Variants in CNN2 observed in about 807,000 individuals in gnomAD.
CNN2 encodes calponin 2, also known as calponin-2.
In CNN2, 21 loss-of-function variants were observed where a neutral mutation model predicts 31.0. The observed-to-expected ratio is 0.68, with a 90% confidence interval of 0.48 to 0.98. The LOEUF (loss-of-function observed/expected upper bound fraction) is 0.98. Ranked by LOEUF, CNN2 falls within the 50% of genes least tolerant of loss-of-function variation. The probability of loss-of-function intolerance (pLI) is 0.00; values close to 1 mark genes in which losing one functional copy is unlikely to be tolerated. For synonymous variants in CNN2, 165 were observed against 179.6 expected, an observed-to-expected ratio of 0.92 and a Z score of 0.65; for missense variants, 399 against 427.3, an observed-to-expected ratio of 0.93 and a Z score of 0.58.
intron 4 of CNN2, 52 bp from the exon 5 acceptor site, chr19:1,036,078 A>G (rs760750947): frequency 6.5e-7 from 1 of 1,532,894 alleles, no homozygotes; most frequent in Non-Finnish European, 8.8e-7. Context: ...GCCTAGATCT[A>G]GGGTCCCTGG....
rs2039655715 is a variant in CNN2 at position 1,038,496 on chromosome 19, G to A, written c.*596G>A. On this transcript the variant is annotated 3_prime_UTR_variant, in exon 7 of 7. Coordinates refer to ENST00000263097, the MANE Select transcript of CNN2 (RefSeq NM_004368.4). ...TGCCCCGGGGCCAGGTGGAGAAAGT[G>A]AGGGCCGTACAAGGAAGTGAAATTC... 6.6e-6 allele frequency: 1 copy of A among 152,382 alleles called. No homozygotes were observed. The highest frequency in any genetic ancestry group is 2.4e-5 in the African/African-American group (1 of 41,436). 9.4% of individuals were successfully genotyped at this position (152,382 alleles called of 1,614,324 possible). A position where few individuals can be genotyped will look rare whatever the true frequency, so the allele number is the denominator to read the frequency against.
intron 1 of CNN2, among the ~76,000 whole-genome samples, chr19:1,030,305 G>A (rs73920548): frequency 6.6e-6 from 1 of 152,024 alleles, no homozygotes; most frequent in African/African-American, 2.4e-5. Flanking sequence ...GGTCAGCCTC[G>A]GGGGCAGCTC....
At chr19:1,037,328 G>A (rs2039606983) in intron 6 of CNN2, 1 of 340,780 alleles carries the variant, frequency 2.9e-6, no homozygotes, top group Non-Finnish European at 5.5e-6. Context: ...AGTAGATATG[G>A]GGTTTCACCG....
intron 4 of CNN2, among the ~76,000 whole-genome samples, chr19:1,035,647 G>C (rs1351248540): frequency 6.6e-6 from 1 of 152,224 alleles, no homozygotes; most frequent in Admixed American, 6.5e-5. Context: ...CATGGGCTGG[G>C]CGCGGTGGCT....
In CNN2 at chr19:1,036,715, C is replaced by G. The variant is rs775479001; in HGVS notation, c.654+153C>G. ...TCCGGCTTCCCTCCCCGCTCTCTGT[C>G]TCCGCCTTGGATTTCAGCCTCTGTC... On this transcript the variant is annotated intron_variant, in intron 6 of 6. Coordinates refer to ENST00000263097, the MANE Select transcript of CNN2 (RefSeq NM_004368.4). The G allele has an allele frequency of 6.6e-6, 6 of 905,810 alleles. No individual in the cohort carries two copies. The African/African-American group carries it at 9.8e-5, about 15-fold the overall frequency. The allele number at this position is 905,810 out of a possible 1,614,324, so 56.1% of individuals were successfully genotyped here.
chr19:1,035,621 T>C (rs1228624631), intron 4 of CNN2, among the ~76,000 whole-genome samples: 1 of 152,174 alleles, frequency 6.6e-6, no homozygotes, highest in Admixed American at 6.5e-5. Flanking sequence ...CAAGGCACGC[T>C]GGGATGAAGC....
chr19:1,027,997 G>C (rs1338361774), intron 1 of CNN2, among the ~76,000 whole-genome samples: 1 of 152,208 alleles, frequency 6.6e-6, no homozygotes, highest in Non-Finnish European at 1.5e-5. Context: ...TCCCCAGCCC[G>C]GGGCTCACGA....
rs1399281424 is a variant in CNN2 at position 1,038,135 on chromosome 19, G to A, written c.*235G>A. 1.9e-5 allele frequency: 9 copies of A among 465,922 alleles called. No homozygotes were observed. In the South Asian group the frequency reaches 3.3e-4, roughly 17 times the overall value. The allele number at this position is 465,922 out of a possible 1,614,324, so 28.9% of individuals were successfully genotyped here. A position where few individuals can be genotyped will look rare whatever the true frequency, so the allele number is the denominator to read the frequency against. ...GGGTCAAGGCCATATCCCAATACGT[G>A]TAGGGCGAGGGTCCCTGCTGGCACA... On this transcript the variant is annotated 3_prime_UTR_variant, in exon 7 of 7. Coordinates refer to ENST00000263097, the MANE Select transcript of CNN2 (RefSeq NM_004368.4).
intron 2 of CNN2, among the ~76,000 whole-genome samples, chr19:1,031,546 C>T (rs1430640586): frequency 2.9e-5 from 3 of 105,198 alleles, no homozygotes; most frequent in Non-Finnish European, 5.4e-5. Flanking sequence ...GCCGGGGTGA[C>T]ACAGCGAGAC....
chr19:1,027,002 C>G (rs1193703037), intron 1 of CNN2: 3 of 392,846 alleles, frequency 7.6e-6, no homozygotes, highest in African/African-American at 6.5e-5. Flanking sequence ...ACTTCGTCCC[C>G]TCGCCATGGC....
At chr19:1,035,656 C>T (rs1415521238) in intron 4 of CNN2, among the ~76,000 whole-genome samples, 2 of 152,214 alleles carry the variant, frequency 1.3e-5, no homozygotes, top group Admixed American at 6.5e-5. Context: ...GGCGCGGTGG[C>T]TCACGCCTGT....
At chr19:1,026,815 C>T (rs1179612995) in intron 1 of CNN2, 91 bp downstream of exon 1, 2 of 1,288,984 alleles carry the variant, frequency 1.6e-6, no homozygotes, top group African/African-American at 1.5e-5. Flanking sequence ...CGGCACCTCC[C>T]GGGCAGGGAG....
intron 2 of CNN2, 142 bp from the exon 3 acceptor site, chr19:1,032,250 A>C: frequency 2.1e-6 from 2 of 955,808 alleles, no homozygotes; most frequent in South Asian, 1.6e-5. Context: ...AAAAAAAAAA[A>C]AGAGTGGAAA....
intron 5 of CNN2, 55 bp downstream of exon 5, chr19:1,036,301 TGGG>T: frequency 6.4e-7 from 1 of 1,568,292 alleles, no homozygotes; most frequent in Non-Finnish European, 8.7e-7. Context: ...ACCACGGTGT[TGGG>T]GGACAGCAGC....
intron 2 of CNN2, among the ~76,000 whole-genome samples, 181 bp downstream of exon 2, chr19:1,031,373 G>A (rs931847311): frequency 3.3e-5 from 5 of 150,538 alleles, no homozygotes. Flanking sequence ...TCAGGAGTTC[G>A]AGACCAGCCT....
In CNN2 at chr19:1,037,937, A is replaced by G. The variant is rs1376206963; in HGVS notation, c.*37A>G. ...CGCTCTCTCCCCACATCGTCTGCCC[A>G]TCTGGGTTTTTGGGTTTTTCTGTGT... On this transcript the variant is annotated 3_prime_UTR_variant, in exon 7 of 7. Transcript: ENST00000263097. 1 of 1,414,050 alleles carries G rather than the reference A, an allele frequency of 7.1e-7. No individual in the cohort carries two copies. The highest frequency in any genetic ancestry group is 9.2e-7 in the Non-Finnish European group (1 of 1,085,956). 87.6% of individuals were successfully genotyped at this position (1,414,050 alleles called of 1,614,324 possible). A position where few individuals can be genotyped will look rare whatever the true frequency, so the allele number is the denominator to read the frequency against.
chr19:1,031,990 G>T (rs1246506917), intron 2 of CNN2, among the ~76,000 whole-genome samples: 3 of 152,056 alleles, frequency 2.0e-5, no homozygotes. Context: ...AGCACTTTGG[G>T]AGGTTGAGGT....
chr19:1,036,304 G>C, intron 5 of CNN2, 58 bp downstream of exon 5: 1 of 1,568,608 alleles, frequency 6.4e-7, no homozygotes, highest in East Asian at 2.3e-5. Flanking sequence ...ACGGTGTTGG[G>C]GGACAGCAGC....
intron 6 of CNN2, chr19:1,037,030 G>A (rs551592739): frequency 8.8e-6 from 2 of 227,916 alleles, no homozygotes; most frequent in Non-Finnish European, 8.9e-6. Flanking sequence ...GCCAATTTTT[G>A]TATTTTTAGT....
Sources: gnomAD v4.1 joint callset for allele counts (sites outside exome capture counted in the v4.1 genomes callset) on GRCh38, gnomAD v4.1.1 for gene constraint, MANE v1.5 for transcripts, NCBI Gene and HGNC (gene_info 2026-07-23, HGNC 2026-07-21) for gene names.